The following SNTB1 variants were observed in gnomAD, a reference collection of about 807,000 sequenced individuals.
SNTB1 encodes the protein beta-1-syntrophin.
In SNTB1, 36 loss-of-function variants were observed where a neutral mutation model predicts 48.9. That is an observed-to-expected ratio of 0.74 (90% CI 0.56 to 0.97). The LOEUF (loss-of-function observed/expected upper bound fraction) is 0.97, where lower values mean the gene tolerates loss of function less well. Ranked by LOEUF, SNTB1 falls within the 50% of genes least tolerant of loss-of-function variation. SNTB1 has a pLI of 0.00. For synonymous variants in SNTB1, 299 were observed against 294.6 expected (o/e 1.01, Z -0.15); for missense variants, 786 against 703.4 (o/e 1.12, Z -1.33).
intron 1 of SNTB1, among the ~76,000 whole-genome samples, chr8:120,756,738 T>C (rs912510335): frequency 2.0e-5 from 3 of 152,140 alleles, no homozygotes; most frequent in African/African-American, 7.2e-5. Flanking sequence ...TAGCTTGGGA[T>C]AATGGGGCTT....
rs1009706641 is a variant in SNTB1 at position 120,811,968 on chromosome 8, C to A, written c.-125G>T. ...TGCGTCCCGCGGGGAGGTGGCGGCACGCGGGACTCCGCTCCGGGAGTTCGC... is the reference window on the plus strand; with the variant it reads ...TGCGTCCCGCGGGGAGGTGGCGGCAAGCGGGACTCCGCTCCGGGAGTTCGC... On this transcript the variant is annotated 5_prime_UTR_variant, in exon 1 of 7. Coordinates refer to ENST00000517992, the MANE Select transcript of SNTB1 (RefSeq NM_021021.4). 7.9e-7 allele frequency: 1 copy of A among 1,272,616 alleles called. No homozygotes were observed. The highest frequency in any genetic ancestry group is 9.9e-7 in the Non-Finnish European group (1 of 1,014,588). The allele number at this position is 1,272,616 out of a possible 1,614,324, so 78.8% of individuals were successfully genotyped here. A position where few individuals can be genotyped will look rare whatever the true frequency, so the allele number is the denominator to read the frequency against.
chr8:120,650,238 G>A (rs1817390451), intron 2 of SNTB1, among the ~76,000 whole-genome samples: 1 of 152,182 alleles, frequency 6.6e-6, no homozygotes, highest in Non-Finnish European at 1.5e-5. Context: ...TGGCTTATAA[G>A]ATGAGACATA....
chr8:120,755,182 G>C (rs1380915870), intron 1 of SNTB1, among the ~76,000 whole-genome samples: 1 of 151,526 alleles, frequency 6.6e-6, no homozygotes, highest in Middle Eastern at 3.4e-3. Flanking sequence ...GAGAGAGAGA[G>C]AGAGAGCGAG....
At chr8:120,763,930 T>A (rs1819471252) in intron 1 of SNTB1, among the ~76,000 whole-genome samples, 1 of 152,138 alleles carries the variant, frequency 6.6e-6, no homozygotes, top group Non-Finnish European at 1.5e-5. Flanking sequence ...GAAGACCAAG[T>A]GTTTGGTCAC....
intron 1 of SNTB1, among the ~76,000 whole-genome samples, chr8:120,765,513 T>C (rs999247366): frequency 2.0e-5 from 3 of 152,118 alleles, no homozygotes; most frequent in Non-Finnish European, 4.4e-5. Flanking sequence ...TTCTGGAGGT[T>C]GAGAAGTCCA....
intron 1 of SNTB1, among the ~76,000 whole-genome samples, chr8:120,707,493 C>A (rs1195598747): frequency 6.6e-6 from 1 of 152,136 alleles, no homozygotes; most frequent in African/African-American, 2.4e-5. Context: ...AAGAATAAAA[C>A]CTCACAAGAT....
intron 3 of SNTB1, among the ~76,000 whole-genome samples, chr8:120,589,322 G>T (rs779086788): frequency 6.6e-6 from 1 of 152,174 alleles, no homozygotes; most frequent in Non-Finnish European, 1.5e-5. Context: ...GCTATGATAA[G>T]CTCTGCTCAG....
In SNTB1 at chr8:120,790,210, A is replaced by G. The variant is rs74399765; in HGVS notation, c.571+21063T>C. On this transcript the variant is annotated intron_variant, in intron 1 of 6. Coordinates refer to ENST00000517992, the MANE Select transcript of SNTB1 (RefSeq NM_021021.4). ...CATCCTTTTATGATACAAACCATCAAAAAACTAGACATACAAGGAATATAC... is the reference window on the plus strand; with the variant it reads ...CATCCTTTTATGATACAAACCATCAGAAAACTAGACATACAAGGAATATAC... Among the ~76,000 whole-genome samples the G allele has an allele frequency of 1.1e-4, 16 of 152,132 alleles. No individual in the cohort carries two copies. The East Asian group carries it at 2.9e-3, about 28-fold the overall frequency.
intron 4 of SNTB1, among the ~76,000 whole-genome samples, chr8:120,563,904 C>T (rs374382979): frequency 4.6e-5 from 7 of 151,918 alleles, no homozygotes; most frequent in East Asian, 3.9e-4. Context: ...GAGGTCAGTT[C>T]GAGACCAGTC....
intron 1 of SNTB1, among the ~76,000 whole-genome samples, chr8:120,742,809 T>C (rs1819062781): frequency 6.6e-6 from 1 of 152,182 alleles, no homozygotes; most frequent in Non-Finnish European, 1.5e-5. Context: ...CATGCATCTC[T>C]AAACACTAAA....
chr8:120,706,897 G>C (rs1185148757), intron 1 of SNTB1, among the ~76,000 whole-genome samples: 1 of 152,082 alleles, frequency 6.6e-6, no homozygotes. Flanking sequence ...ACCACATTAA[G>C]TAAACTAAAT....
At chr8:120,735,037 C>A (rs953896959) in intron 1 of SNTB1, among the ~76,000 whole-genome samples, 1 of 152,112 alleles carries the variant, frequency 6.6e-6, no homozygotes, top group African/African-American at 2.4e-5. Context: ...TACTTAGGGG[C>A]ACTTAAGAAA....
Position 120,768,870 on chromosome 8 carries a change from G to A in SNTB1, c.571+42403C>T, listed in dbSNP as rs376485185. ...ACATTTTTAGAAGAGACAGAGACTT[G>A]ATCTACTTCTTAGGAAAGGGCAAGA... On this transcript the variant is annotated intron_variant, in intron 1 of 6. Coordinates refer to ENST00000517992, the MANE Select transcript of SNTB1 (RefSeq NM_021021.4). 3.9e-5 allele frequency: 6 copies of A among 152,298 alleles called. No individual in the cohort carries two copies. In the East Asian group the frequency reaches 1.2e-3, roughly 29 times the overall value. 9.4% of individuals were successfully genotyped at this position (152,298 alleles called of 1,614,324 possible). A position where few individuals can be genotyped will look rare whatever the true frequency, so the allele number is the denominator to read the frequency against.
At chr8:120,637,773 T>G (rs1026817138) in intron 2 of SNTB1, 8 of 371,952 alleles carry the variant, frequency 2.2e-5, no homozygotes, top group African/African-American at 1.8e-4. Flanking sequence ...GTAATGTTTC[T>G]GCGTCATTCT....
chr8:120,751,030 T>G (rs1436278103), intron 1 of SNTB1, among the ~76,000 whole-genome samples: 1 of 152,178 alleles, frequency 6.6e-6, no homozygotes, highest in Non-Finnish European at 1.5e-5. Context: ...GGCTAAAGGA[T>G]TCCATCTAAT....
At chr8:120,667,999 TTGCCTCAAC>T in intron 2 of SNTB1, among the ~76,000 whole-genome samples, 1 of 152,362 alleles carries the variant, frequency 6.6e-6, no homozygotes, top group Non-Finnish European at 1.5e-5. Flanking sequence ...GGTGTAGTTT[TTGCCTCAAC>T]TCTGTGTAGT....
intron 6 of SNTB1, among the ~76,000 whole-genome samples, chr8:120,540,609 C>T (rs1339738515): frequency 3.3e-5 from 5 of 152,144 alleles, no homozygotes; most frequent in East Asian, 1.9e-4. Flanking sequence ...AATGGACTTT[C>T]GAGTCACTAC....
At chr8:120,586,333 G>A (rs1816139072) in intron 3 of SNTB1, among the ~76,000 whole-genome samples, 1 of 152,176 alleles carries the variant, frequency 6.6e-6, no homozygotes, top group African/African-American at 2.4e-5. Context: ...AAACTTGGTG[G>A]TATTTGCTAT....
chr8:120,705,785 T>G (rs965282779), intron 1 of SNTB1, among the ~76,000 whole-genome samples: 1 of 152,244 alleles, frequency 6.6e-6, no homozygotes, highest in African/African-American at 2.4e-5. Flanking sequence ...CATTATTATA[T>G]GCTTATTAGC....
Sources: allele counts gnomAD v4.1 joint callset (sites outside exome capture counted in the v4.1 genomes callset), GRCh38; gene constraint gnomAD v4.1.1; transcripts MANE v1.5; gene names NCBI Gene and HGNC (gene_info 2026-07-23, HGNC 2026-07-21).